Variants in FNDC3B observed in about 807,000 individuals in gnomAD.
FNDC3B encodes fibronectin type III domain containing 3B.
A neutral mutation model predicts 151.5 loss-of-function variants in FNDC3B; 12 were observed. The observed-to-expected ratio is 0.08, with a 90% CI of 0.05 to 0.13. The LOEUF (loss-of-function observed/expected upper bound fraction) is 0.13, where lower values mean the gene tolerates loss of function less well. Ranked by LOEUF, FNDC3B falls within the 10% of genes least tolerant of loss-of-function variation. The probability of loss-of-function intolerance (pLI) is 1.00; values close to 1 mark genes in which losing one functional copy is unlikely to be tolerated. For missense variants in FNDC3B, 1,214 were observed against 1,505.3 expected (o/e 0.81, Z 3.20); for synonymous variants, 528 against 549.0 (o/e 0.96, Z 0.54).
At chr3:172,299,374 G>A (rs1219307417) in intron 9 of FNDC3B, among the ~76,000 whole-genome samples, 1 of 152,178 alleles carries the variant, frequency 6.6e-6, no homozygotes, top group Non-Finnish European at 1.5e-5. Flanking sequence ...GGAAGGTAGG[G>A]CTAGCTTATT....
intron 2 of FNDC3B, among the ~76,000 whole-genome samples, chr3:172,116,632 C>T (rs1346989070): frequency 2.6e-5 from 4 of 152,088 alleles, no homozygotes; most frequent in Non-Finnish European, 5.9e-5. Flanking sequence ...ATGGCACGAT[C>T]TCTGCTCACT....
chr3:172,278,359 TCTATC>T (rs1328024158), intron 6 of FNDC3B, among the ~76,000 whole-genome samples: 1 of 152,208 alleles, frequency 6.6e-6, no homozygotes, highest in Non-Finnish European at 1.5e-5. Flanking sequence ...TGTAAGTTGT[TCTATC>T]CTGTGTTTAA....
intron 1 of FNDC3B, among the ~76,000 whole-genome samples, chr3:172,069,252 C>T (rs1204271232): frequency 6.6e-6 from 1 of 152,156 alleles, no homozygotes; most frequent in Admixed American, 6.5e-5. Context: ...CAGGAGAGGG[C>T]TCTGCTGTTG....
At chr3:172,085,536 T>A (rs1407993351) in intron 1 of FNDC3B, among the ~76,000 whole-genome samples, 1 of 152,190 alleles carries the variant, frequency 6.6e-6, no homozygotes, top group Admixed American at 6.5e-5. Context: ...AATTTTTAAA[T>A]ATGAAGAAAT....
At chr3:172,323,134 G>T (rs1266190926) in intron 11 of FNDC3B, among the ~76,000 whole-genome samples, 1 of 152,106 alleles carries the variant, frequency 6.6e-6, no homozygotes, top group Non-Finnish European at 1.5e-5. Flanking sequence ...AAATATTCAA[G>T]TAGGTAGTAA....
At chr3:172,277,410 GT>G (rs1025599520) in intron 6 of FNDC3B, among the ~76,000 whole-genome samples, 6 of 152,148 alleles carry the variant, frequency 3.9e-5, no homozygotes, top group Non-Finnish European at 8.8e-5. Context: ...CTATGTCCTT[GT>G]GTGGCTGAGA....
chr3:172,160,449 G>C (rs980829002), intron 3 of FNDC3B, among the ~76,000 whole-genome samples: 1 of 152,156 alleles, frequency 6.6e-6, no homozygotes, highest in Non-Finnish European at 1.5e-5. Context: ...ATCTTCTAGG[G>C]TTTACACCCC....
chr3:172,310,781 T>C (rs772923058), intron 10 of FNDC3B, 47 bp from the exon 11 acceptor site: 2 of 1,419,830 alleles, frequency 1.4e-6, no homozygotes, highest in Admixed American at 3.3e-5. Flanking sequence ...CTCATAAGTT[T>C]TGTCTGTGAA....
chr3:172,205,311 G>C (rs539057803), intron 3 of FNDC3B, among the ~76,000 whole-genome samples: 1 of 152,170 alleles, frequency 6.6e-6, no homozygotes, highest in Non-Finnish European at 1.5e-5. Flanking sequence ...GGGTAGGAGA[G>C]GGCCTGGCAA....
At chr3:172,122,897 T>C (rs533426144) in intron 2 of FNDC3B, among the ~76,000 whole-genome samples, 3 of 152,226 alleles carry the variant, frequency 2.0e-5, no homozygotes, top group Non-Finnish European at 4.4e-5. Flanking sequence ...CTAGAAAGTA[T>C]ATCAGTAAAC....
intron 1 of FNDC3B, among the ~76,000 whole-genome samples, chr3:172,109,522 A>G (rs1719856019): frequency 6.6e-6 from 1 of 152,258 alleles, no homozygotes; most frequent in Admixed American, 6.5e-5. Context: ...AATACTGGTT[A>G]TGGCTAAGTG....
chr3:172,337,183 G>A, intron 15 of FNDC3B, 147 bp from the exon 16 acceptor site: 1 of 515,278 alleles, frequency 1.9e-6, no homozygotes, highest in Non-Finnish European at 3.4e-6. Flanking sequence ...TTTCAACAGA[G>A]GAGTTGGTGA....
intron 3 of FNDC3B, among the ~76,000 whole-genome samples, chr3:172,226,305 CAAAAAA>C (rs199864393): frequency 8.4e-6 from 1 of 119,644 alleles, no homozygotes; most frequent in Non-Finnish European, 1.8e-5. Context: ...AACTCTGTCT[CAAAAAA>C]AAAAAAAAAA....
chr3:172,275,571 C>G (rs2108809713), intron 6 of FNDC3B, among the ~76,000 whole-genome samples: 1 of 152,266 alleles, frequency 6.6e-6, no homozygotes, highest in East Asian at 1.9e-4. Flanking sequence ...TTGTGGATGT[C>G]TGTTCTATCA....
chr3:172,300,999 C>T (rs1033072027), intron 9 of FNDC3B, among the ~76,000 whole-genome samples: 8 of 152,108 alleles, frequency 5.3e-5, no homozygotes, highest in African/African-American at 1.9e-4. Flanking sequence ...TGAATTGCTT[C>T]GGTGAAGCAG....
At chr3:172,287,691 A>G (rs1730100118) in intron 7 of FNDC3B, among the ~76,000 whole-genome samples, 1 of 152,208 alleles carries the variant, frequency 6.6e-6, no homozygotes, top group Admixed American at 6.5e-5. Context: ...TGTTCCTCAG[A>G]TATTCCTAGT....
intron 25 of FNDC3B, among the ~76,000 whole-genome samples, chr3:172,393,206 T>C (rs1035173953): frequency 1.3e-5 from 2 of 151,980 alleles, no homozygotes; most frequent in Admixed American, 6.6e-5. Context: ...AGATACTCCA[T>C]GCAAATAGAA....
intron 10 of FNDC3B, among the ~76,000 whole-genome samples, chr3:172,308,443 G>T (rs983325293): frequency 2.0e-5 from 3 of 152,164 alleles, no homozygotes; most frequent in Admixed American, 6.5e-5. Flanking sequence ...TTAGGGTTTG[G>T]GGGGAGAATA....
Position 172,101,094 on chromosome 3 carries a change from T to C in FNDC3B, c.-28-11358T>C, listed in dbSNP as rs144696755. Among the ~76,000 whole-genome samples the C allele has an allele frequency of 1.5e-3, 223 of 152,330 alleles. 1 individual carries two copies. The highest frequency in any genetic ancestry group is 5.2e-3 in the African/African-American group (216 of 41,564). ...AACTGAGTGTGTAAAATAAACATGATTGAATTCTATACGAGCTGATTAAAC... is the reference window on the plus strand; with the variant it reads ...AACTGAGTGTGTAAAATAAACATGACTGAATTCTATACGAGCTGATTAAAC... On this transcript the variant is annotated intron_variant, in intron 1 of 25. Coordinates refer to ENST00000415807, the MANE Select transcript of FNDC3B (RefSeq NM_022763.4).
Sources: gnomAD v4.1 joint callset for allele counts (sites outside exome capture counted in the v4.1 genomes callset) on GRCh38, gnomAD v4.1.1 for gene constraint, MANE v1.5 for transcripts, NCBI Gene and HGNC (gene_info 2026-07-23, HGNC 2026-07-21) for gene names.